Variants in EIF2B5 observed in about 807,000 individuals in gnomAD.
The protein encoded by EIF2B5 is eukaryotic translation initiation factor 2B subunit epsilon.
A neutral mutation model predicts 87.3 loss-of-function variants in EIF2B5; 38 were observed. The observed-to-expected ratio is 0.44, with a 90% CI of 0.34 to 0.57. EIF2B5 has a LOEUF of 0.57. Among genes scored for constraint, EIF2B5 ranks in the 20% least tolerant of loss-of-function variants. EIF2B5 has a pLI of 0.02. For synonymous variants in EIF2B5, 313 were observed against 339.6 expected, an observed-to-expected ratio of 0.92 and a Z score of 0.86; for missense variants, 784 against 909.5, an observed-to-expected ratio of 0.86 and a Z score of 1.78.
chr3:184,144,306 A>C, intron 14 of EIF2B5, 82 bp downstream of exon 14: 1 of 1,597,798 alleles, frequency 6.3e-7, no homozygotes, highest in Admixed American at 1.7e-5. Context: ...ATAAAATAGA[A>C]GCTAATGTGA....
intron 5 of EIF2B5, among the ~76,000 whole-genome samples, chr3:184,139,202 C>A (rs1010292943): frequency 2.0e-5 from 3 of 151,416 alleles, no homozygotes; most frequent in Admixed American, 6.6e-5. Flanking sequence ...AACTCCTGAC[C>A]TCAGGTGATC....
intron 13 of EIF2B5, chr3:184,143,867 G>A (rs1436360421): frequency 4.2e-6 from 3 of 708,598 alleles, no homozygotes; most frequent in Admixed American, 5.1e-5. Flanking sequence ...AGCCTCTGGG[G>A]TGGGAATAGG....
In EIF2B5 at chr3:184,142,541, A is replaced by C. The variant is rs113994082; in HGVS notation, c.1484A>C (p.Tyr495Ser). The C allele has an allele frequency of 6.2e-7, 1 of 1,613,988 alleles. No individual in the cohort carries two copies. The highest frequency in any genetic ancestry group is 1.7e-5 in the Admixed American group (1 of 59,994). ...PAEVGAAGKG[Y>S]LWKAAGMNME... Reference sequence around the variant, plus strand: ...GAAGTAGGAGCTGCTGGCAAGGGCTACCTCTGGAAAGCTGCAGGCATGAAC... The same window carrying C: ...GAAGTAGGAGCTGCTGGCAAGGGCTCCCTCTGGAAAGCTGCAGGCATGAAC... The change falls in exon 10 of 16, where the codon TAC becomes TCC. Residue 495 changes from tyrosine (Y) to serine (S), a missense_variant. Physicochemically the swap from Tyr to Ser is moderately radical, Grantham distance 144 (BLOSUM62 -2). This residue lies in a region of EIF2B5 where 660 missense variants were observed against 789.5 expected (regional missense o/e 0.84). Coordinates refer to ENST00000648915, the MANE Select transcript of EIF2B5 (RefSeq NM_003907.3). This position sits in a 1 kb window ranked among gnomAD's most constrained non-coding sequence, Gnocchi z 5.0.
At position 184,142,831 on chromosome 3, in the gene EIF2B5, G is replaced by A. The variant is rs766162492; in HGVS notation, c.1599G>A (p.Met533Ile). ...EESESESEQS[M>I]DSEEPDSRGG... Reference sequence around the variant, plus strand: ...GTGAAAGTGAAAGTGAGCAAAGTATGGATTCTGAGGAGCCGGACAGCCGGG... The same window carrying A: ...GTGAAAGTGAAAGTGAGCAAAGTATAGATTCTGAGGAGCCGGACAGCCGGG... The change falls in exon 11 of 16, where the codon ATG becomes ATA. Residue 533 changes from methionine (M) to isoleucine (I), a missense_variant. By Grantham distance (10) the Met-to-Ile change is conservative. Around this residue, in one of 3 missense-constraint regions of EIF2B5, gnomAD observed 660 missense variants for 789.5 expected, o/e 0.84. Transcript: ENST00000648915. The surrounding 1 kb of genome is among the most constrained non-coding windows in gnomAD (Gnocchi z 5.0). 2.5e-6 allele frequency: 4 copies of A among 1,614,102 alleles called. No homozygotes were observed. The South Asian group carries it at 4.4e-5, about 18-fold the overall frequency.
chr3:184,136,402 C>T (rs956926519), intron 1 of EIF2B5, among the ~76,000 whole-genome samples: 4 of 152,230 alleles, frequency 2.6e-5, no homozygotes, highest in African/African-American at 7.2e-5. Context: ...CACATAGATT[C>T]TGTACTTACC....
In EIF2B5 at chr3:184,142,995, G is replaced by T; in HGVS notation, c.1655-57G>T. On this transcript the variant is annotated intron_variant, in intron 11 of 15. Transcript: ENST00000648915. This position sits in a 1 kb window ranked among gnomAD's most constrained non-coding sequence, Gnocchi z 5.0. ...GTTTGGTATCGAGTCAAGACTAGAT[G>T]ACTTAGAGCATTCTGAATGATGTTG... is the stretch of plus-strand genomic sequence containing the variant. 6.3e-7 allele frequency: 1 copy of T among 1,583,870 alleles called. No individual in the cohort carries two copies. The highest frequency in any genetic ancestry group is 1.1e-5 in the South Asian group (1 of 88,744).
chr3:184,142,086 T>C lies in EIF2B5; in HGVS notation c.1302+16T>C, dbSNP rs1713660515. Reference sequence around the variant, plus strand: ...CACTTCCCAGGTGAGACCTGATCTATACTGTGCACAGGCCCTGAATTGCAT... The same window carrying C: ...CACTTCCCAGGTGAGACCTGATCTACACTGTGCACAGGCCCTGAATTGCAT... On this transcript the variant is annotated intron_variant, in intron 8 of 15. Transcript: ENST00000648915. The surrounding 1 kb of genome is among the most constrained non-coding windows in gnomAD (Gnocchi z 5.0). 13 of 1,614,160 alleles carry C rather than the reference T, an allele frequency of 8.1e-6. No homozygotes were observed. The highest frequency in any genetic ancestry group is 1.7e-5 in the Admixed American group (1 of 60,020).
Position 184,143,772 on chromosome 3 carries a change from A to G in EIF2B5, c.1869+207A>G, listed in dbSNP as rs1350205102. The G allele has an allele frequency of 9.4e-6, 7 of 745,956 alleles. No homozygotes were observed. The East Asian group carries it at 1.4e-4, about 14-fold the overall frequency. The allele number at this position is 745,956 out of a possible 1,614,324, so 46.2% of individuals were successfully genotyped here. On this transcript the variant is annotated intron_variant, in intron 13 of 15. Transcript: ENST00000648915. ...CTGGCCTTTGAGACTCCAGGATTTC[A>G]TACCATCCTAGGCCCACAAAGGTAT...
chr3:184,144,256 A>T, intron 14 of EIF2B5, 32 bp downstream of exon 14: 1 of 1,613,156 alleles, frequency 6.2e-7, no homozygotes, highest in South Asian at 1.1e-5. Context: ...ATTCTTCTGC[A>T]CTTGCTTTCA....
rs576734904 is a variant in EIF2B5, at chr3:184,138,058, C to T, written c.667C>T (p.Arg223Cys). The T allele has an allele frequency of 5.6e-6, 9 of 1,614,104 alleles. No homozygotes were observed. Among genetic ancestry groups the T allele is most frequent in the Admixed American group, 1.7e-5 (1 of 60,018 alleles). Residue 223 changes from arginine (R) to cysteine (C), a missense_variant, in exon 4 of 16, where the codon CGT (arginine) becomes TGT (cysteine). This residue lies in a region of EIF2B5 where 660 missense variants were observed against 789.5 expected (regional missense o/e 0.84). Coordinates refer to ENST00000648915, the MANE Select transcript of EIF2B5 (RefSeq NM_003907.3). Reference protein sequence around the residue: ...LHFQKTQGLRRFAFPLSLFQG... With the variant: ...LHFQKTQGLRCFAFPLSLFQG... The stretch of plus-strand genomic sequence containing the variant: ...TTTTCAGAAGACCCAGGGTCTCCGG[C>T]GTTTTGCATTTCCTCTGGTGTGTGG...
chr3:184,137,656 G>A lies in EIF2B5; in HGVS notation c.357G>A (p.Val119=), dbSNP rs1713421699. 1 of 1,614,190 alleles carries A rather than the reference G, an allele frequency of 6.2e-7. No homozygotes were observed. The highest frequency in any genetic ancestry group is 1.1e-5 in the South Asian group (1 of 91,088). The change falls in exon 3 of 16, where the codon GTG becomes GTA. Residue 119 remains valine, a synonymous_variant. Coordinates refer to ENST00000648915, the MANE Select transcript of EIF2B5 (RefSeq NM_003907.3). ...SKWCRPTSLN[V]VRIITSELYR... ...GGTGCCGCCCTACATCTCTCAATGT[G>A]GTTCGAATAATTACATCAGAGCTCT...
intron 1 of EIF2B5, 163 bp downstream of exon 1, chr3:184,135,743 G>A: frequency 2.0e-6 from 2 of 984,048 alleles, no homozygotes; most frequent in Admixed American, 2.4e-5. Flanking sequence ...GATGACTGCT[G>A]ACCAAGTTAG....
Position 184,135,360 on chromosome 3 carries a change from G to C in EIF2B5, c.-26G>C, listed in dbSNP as rs773483931. On this transcript the variant is annotated 5_prime_UTR_variant, in exon 1 of 16. Transcript: ENST00000648915. Reference sequence around the variant, plus strand: ...CTGCGTGCGGTGGCAGCTTCCTTGCGGAAGTGGTGACCGTGAGAGAAGAAG... The same window carrying C: ...CTGCGTGCGGTGGCAGCTTCCTTGCCGAAGTGGTGACCGTGAGAGAAGAAG... 1.3e-6 allele frequency: 2 copies of C among 1,567,000 alleles called. No homozygotes were observed. Among genetic ancestry groups the C allele is most frequent in the African/African-American group, 2.7e-5 (2 of 74,542 alleles).
intron 2 of EIF2B5, 122 bp downstream of exon 2, chr3:184,136,858 T>G (rs1713385234): frequency 7.1e-7 from 1 of 1,404,554 alleles, no homozygotes; most frequent in Non-Finnish European, 1.0e-6. Context: ...CATTGTAAGT[T>G]CTAAGGGTAT....
Position 184,140,469 on chromosome 3 carries a change from C to T in EIF2B5, c.895C>T (p.Arg299Cys), listed in dbSNP as rs749256406. ...CGTAACAGCTAAGGAATATGGTGCCCGTGTCTCCAACCTACACATGTACTC... is the reference window on the plus strand; with the variant it reads ...CGTAACAGCTAAGGAATATGGTGCCTGTGTCTCCAACCTACACATGTACTC... The part of the protein sequence containing the change: ...MHVTAKEYGA[R>C]VSNLHMYSAV... Residue 299 changes from arginine to cysteine, a missense_variant, in exon 7 of 16, where the codon CGT (arginine) becomes TGT (cysteine). Physicochemically the swap from Arg to Cys is radical, Grantham distance 180. Transcript: ENST00000648915. 5.6e-6 allele frequency: 9 copies of T among 1,614,082 alleles called. No homozygotes were observed. Among genetic ancestry groups the T allele is most frequent in the East Asian group, 2.2e-5 (1 of 44,872 alleles).
In EIF2B5 at chr3:184,143,046, T is replaced by C. The variant is rs1713712147; in HGVS notation, c.1655-6T>C. ...GCCCATGAACTTATCCTTGCTTTGA[T>C]TTCAGTGTTCCAGAATGAAGTTTTA... On this transcript the variant is annotated splice_region_variant and splice_polypyrimidine_tract_variant and intron_variant, in intron 11 of 15. Coordinates refer to ENST00000648915, the MANE Select transcript of EIF2B5 (RefSeq NM_003907.3). The C allele has an allele frequency of 6.2e-7, 1 of 1,612,818 alleles. No individual in the cohort carries two copies. The highest frequency in any genetic ancestry group is 1.3e-5 in the African/African-American group (1 of 74,922).
In EIF2B5 at chr3:184,140,605, G is replaced by A. The variant is rs755584111; in HGVS notation, c.1031G>A (p.Arg344Gln). Residue 344 changes from arginine (R) to glutamine (Q), a missense_variant, in exon 7 of 16, where the codon CGA becomes CAA. This residue lies in a region of EIF2B5 where 660 missense variants were observed against 789.5 expected (regional missense o/e 0.84). Coordinates refer to ENST00000648915, the MANE Select transcript of EIF2B5 (RefSeq NM_003907.3). ...SCTHSRHNIYRGPEVSLGHGS... is the reference protein window; with the variant it reads ...SCTHSRHNIYQGPEVSLGHGS... Reference sequence around the variant, plus strand: ...ACTCATTCCCGGCACAACATCTACCGAGGGCCTGAGGTCAGCCTGGGCCAT... The same window carrying A: ...ACTCATTCCCGGCACAACATCTACCAAGGGCCTGAGGTCAGCCTGGGCCAT... The A allele has an allele frequency of 6.2e-6, 10 of 1,614,106 alleles. No homozygotes were observed. The highest frequency in any genetic ancestry group is 3.3e-4 in the Middle Eastern group (2 of 6,062).
Position 184,142,177 on chromosome 3 carries a change from CATT to C in EIF2B5, c.1303-57_1303-55del. 6.2e-7 allele frequency: 1 copy of C among 1,614,042 alleles called. No individual in the cohort carries two copies. The highest frequency in any genetic ancestry group is 8.5e-7 in the Non-Finnish European group (1 of 1,180,006). ...TAATCCTGTCTAAAAAAGTTGCTCT[CATT>C]ATCAGGATGCACTTTTCCTCCACAC... is the stretch of plus-strand genomic sequence containing the variant. On this transcript the variant is annotated intron_variant, in intron 8 of 15. Coordinates refer to ENST00000648915, the MANE Select transcript of EIF2B5 (RefSeq NM_003907.3). This position sits in a 1 kb window ranked among gnomAD's most constrained non-coding sequence, Gnocchi z 5.0.
intron 2 of EIF2B5, 154 bp downstream of exon 2, chr3:184,136,890 G>A (rs1470687215): frequency 6.0e-5 from 64 of 1,071,536 alleles, no homozygotes; most frequent in Non-Finnish European, 7.8e-5. Context: ...ATCAGGAGGT[G>A]AGCAGCTGAA....
Sources: allele counts gnomAD v4.1 joint callset (sites outside exome capture counted in the v4.1 genomes callset), GRCh38; gene constraint gnomAD v4.1.1; regional missense constraint gnomAD v4.1.1; non-coding constraint Gnocchi (gnomAD v3.1); transcripts MANE v1.5; gene names NCBI Gene and HGNC (gene_info 2026-07-23, HGNC 2026-07-21).